Variants in AGBL4 observed in about 807,000 individuals in gnomAD.
AGBL4 encodes the protein cytosolic carboxypeptidase 6.
A neutral mutation model predicts 66.4 loss-of-function variants in AGBL4; 58 were observed. The ratio of observed to expected loss-of-function variants is 0.87; its 90% confidence interval spans 0.71 to 1.09. AGBL4 has a LOEUF of 1.09. AGBL4 is among the 50% of genes least tolerant of loss of function. AGBL4 has a pLI of 0.00. For synonymous variants in AGBL4, 234 were observed against 222.9 expected (o/e 1.05, Z -0.44); for missense variants, 579 against 631.0 (o/e 0.92, Z 0.88).
intron 2 of AGBL4, among the ~76,000 whole-genome samples, chr1:49,812,658 C>A (rs915604350): frequency 6.6e-6 from 1 of 152,100 alleles, no homozygotes; most frequent in Non-Finnish European, 1.5e-5. Flanking sequence ...ACCACTAATG[C>A]CCACAGTGCT....
At chr1:49,476,452 T>A (rs750035088) in intron 3 of AGBL4, among the ~76,000 whole-genome samples, 5 of 152,050 alleles carry the variant, frequency 3.3e-5, no homozygotes, top group African/African-American at 4.8e-5. Flanking sequence ...AGGTCCATAT[T>A]TTTTTCATTA....
intron 6 of AGBL4, among the ~76,000 whole-genome samples, chr1:48,825,439 A>AT (rs2148775783): frequency 6.6e-6 from 1 of 152,254 alleles, no homozygotes; most frequent in Non-Finnish European, 1.5e-5. Flanking sequence ...ACAATATCTT[A>AT]TTGCACCATT....
At chr1:49,536,946 G>A (rs1045355795) in intron 3 of AGBL4, among the ~76,000 whole-genome samples, 12 of 151,802 alleles carry the variant, frequency 7.9e-5, no homozygotes, top group African/African-American at 2.9e-4. Context: ...GCTGGAAGTT[G>A]CAGTGAGCCA....
intron 3 of AGBL4, among the ~76,000 whole-genome samples, chr1:49,338,645 C>T (rs1164102287): frequency 6.6e-6 from 1 of 152,110 alleles, no homozygotes; most frequent in Non-Finnish European, 1.5e-5. Context: ...GGTCTAAGAA[C>T]CATTGTCTAA....
chr1:49,790,732 G>A (rs1644578612), intron 2 of AGBL4, among the ~76,000 whole-genome samples: 1 of 152,158 alleles, frequency 6.6e-6, no homozygotes, highest in Non-Finnish European at 1.5e-5. Flanking sequence ...TTCAGTGCCA[G>A]AAGATGCATA....
intron 4 of AGBL4, among the ~76,000 whole-genome samples, chr1:49,224,377 G>A (rs1649731980): frequency 6.6e-6 from 1 of 152,000 alleles, no homozygotes; most frequent in Admixed American, 6.6e-5. Context: ...CAGCACTTTG[G>A]GTGGCCAAGG....
chr1:49,683,510 C>G (rs1025995603), intron 3 of AGBL4, among the ~76,000 whole-genome samples: 1 of 152,064 alleles, frequency 6.6e-6, no homozygotes, highest in African/African-American at 2.4e-5. Flanking sequence ...GTCTCAGTCT[C>G]TAATAGAAGG....
chr1:49,324,757 G>A (rs1487160597), intron 3 of AGBL4, among the ~76,000 whole-genome samples: 1 of 152,174 alleles, frequency 6.6e-6, no homozygotes, highest in Non-Finnish European at 1.5e-5. Context: ...CTCACACTCA[G>A]AAGCCTTCAC....
rs548961421 is a variant in AGBL4 at position 49,211,111 on chromosome 1, A to G, written c.377+34659T>C. ...GATGTCTCTCAGGGATAGAAAAACA[A>G]CATTCCATCACATCCATGTAATTGC... is the stretch of plus-strand genomic sequence containing the variant. On this transcript the variant is annotated intron_variant, in intron 4 of 13. Coordinates refer to ENST00000371839, the MANE Select transcript of AGBL4 (RefSeq NM_032785.4). Among the ~76,000 whole-genome samples, 168 of 152,206 alleles carry G rather than the reference A, an allele frequency of 1.1e-3. 1 individual carries two copies. The highest frequency in any genetic ancestry group is 2.1e-3 in the Non-Finnish European group (141 of 68,002).
chr1:48,831,352 G>C (rs1239725326), intron 6 of AGBL4, among the ~76,000 whole-genome samples: 2 of 152,164 alleles, frequency 1.3e-5, no homozygotes, highest in Non-Finnish European at 2.9e-5. Context: ...CCATATCTGA[G>C]AGAGCCTCTT....
At chr1:49,514,535 A>G (rs1188735137) in intron 3 of AGBL4, among the ~76,000 whole-genome samples, 2 of 151,922 alleles carry the variant, frequency 1.3e-5, no homozygotes, top group East Asian at 3.9e-4. Flanking sequence ...GGAAAAAACT[A>G]CTTTAAAGTT....
In AGBL4 at chr1:49,523,284, T is replaced by G. The variant is rs374071151; in HGVS notation, c.282+174029A>C. On this transcript the variant is annotated intron_variant, in intron 3 of 13. Coordinates refer to ENST00000371839, the MANE Select transcript of AGBL4 (RefSeq NM_032785.4). Reference sequence around the variant, plus strand: ...ATAAATACCAAGCAAAATAGGCACATGATTGAAAATAAGAAGACCTTAACT... The same window carrying G: ...ATAAATACCAAGCAAAATAGGCACAGGATTGAAAATAAGAAGACCTTAACT... Among the ~76,000 whole-genome samples the G allele has an allele frequency of 2.0e-3, 304 of 152,156 alleles. 3 individuals carry two copies. The highest frequency in any genetic ancestry group is 0.01 in the South Asian group (49 of 4,830).
intron 3 of AGBL4, among the ~76,000 whole-genome samples, chr1:49,392,259 A>G (rs1410879801): frequency 1.3e-5 from 2 of 152,234 alleles, no homozygotes; most frequent in East Asian, 1.9e-4. Context: ...ATTAAGCAGC[A>G]TAGACAGGGA....
chr1:49,644,350 G>A (rs759829998), intron 3 of AGBL4, among the ~76,000 whole-genome samples: 1 of 151,432 alleles, frequency 6.6e-6, no homozygotes, highest in Non-Finnish European at 1.5e-5. Flanking sequence ...CTAACTAAAA[G>A]GAAGAAGTTG....
chr1:49,676,607 AACTG>A (rs1321753672), intron 3 of AGBL4, among the ~76,000 whole-genome samples: 1 of 152,128 alleles, frequency 6.6e-6, no homozygotes, highest in Admixed American at 6.6e-5. Flanking sequence ...TTCTTATTTT[AACTG>A]ACTACCATTA....
chr1:48,925,814 C>T (rs1410813909), intron 5 of AGBL4, among the ~76,000 whole-genome samples: 3 of 152,088 alleles, frequency 2.0e-5, no homozygotes, highest in Non-Finnish European at 4.4e-5. Context: ...AGTTTCCACC[C>T]GGTGAGATCA....
chr1:48,908,160 A>G (rs1238269129), intron 5 of AGBL4, among the ~76,000 whole-genome samples: 1 of 152,144 alleles, frequency 6.6e-6, no homozygotes, highest in Non-Finnish European at 1.5e-5. Context: ...CTTGTAAGAG[A>G]ACAGCTCTCA....
At chr1:49,603,936 AC>A (rs1645015502) in intron 3 of AGBL4, among the ~76,000 whole-genome samples, 2 of 13,002 alleles carry the variant, frequency 1.5e-4, no homozygotes, top group Non-Finnish European at 3.0e-4. Context: ...GTATACACAC[AC>A]ACACACACAC....
chr1:49,530,278 A>AAAAAAAAAAAAAAAAAAAAAAC lies in AGBL4; in HGVS notation c.282+167034_282+167035insGTTTTTTTTTTTTTTTTTTTTT, dbSNP rs1186915086. Among the ~76,000 whole-genome samples, 100 of 145,168 alleles carry AAAAAAAAAAAAAAAAAAAAAAC rather than the reference A, an allele frequency of 6.9e-4. 1 individual carries two copies. Among genetic ancestry groups the AAAAAAAAAAAAAAAAAAAAAAC allele is most frequent in the Non-Finnish European group, 1.5e-3 (95 of 64,948 alleles). ...AATTTGTAAAAAAAAAAAAACAAAAAAAAACTCTATGAGTTTTTTTTTATT... is the reference window on the plus strand; with the variant it reads ...AATTTGTAAAAAAAAAAAAACAAAAAAAAAAAAAAAAAAAAAAAAAACAAAACTCTATGAGTTTTTTTTTATT... On this transcript the variant is annotated intron_variant, in intron 3 of 13. Transcript: ENST00000371839.
Sources: allele counts gnomAD v4.1 joint callset (sites outside exome capture counted in the v4.1 genomes callset), GRCh38; gene constraint gnomAD v4.1.1; transcripts MANE v1.5; gene names NCBI Gene and HGNC (gene_info 2026-07-23, HGNC 2026-07-21).